The following WDR44 variants were observed in gnomAD, a reference collection of about 807,000 sequenced individuals.
The protein encoded by WDR44 is WD repeat-containing protein 44.
In WDR44, 9 loss-of-function variants were observed where a neutral mutation model predicts 65.7. The observed-to-expected ratio is 0.14, with a 90% CI of 0.08 to 0.24. The LOEUF is 0.24. Among genes scored for constraint, WDR44 ranks in the 10% least tolerant of loss-of-function variants. The pLI, the probability that WDR44 is intolerant of heterozygous loss-of-function variation, is 1.00. For missense variants in WDR44, 425 were observed against 670.9 expected (o/e 0.63, Z 4.05); for synonymous variants, 220 against 235.2 (o/e 0.94, Z 0.59).
intron 1 of WDR44, among the ~76,000 whole-genome samples, chrX:118,359,427 G>T (rs2056493194): frequency 8.9e-6 from 1 of 112,149 alleles, no homozygotes; most frequent in African/African-American, 3.2e-5. Flanking sequence ...GTAGGCCCAG[G>T]AAAGTGGTTT....
At chrX:118,400,057 C>T (rs1029597710) in intron 8 of WDR44, among the ~76,000 whole-genome samples, 6 of 109,701 alleles carry the variant, frequency 5.5e-5, no homozygotes, top group African/African-American at 1.0e-4. Context: ...CACTGCACTT[C>T]GGCCTGGGTG....
At chrX:118,407,398 GGCT>G (rs2056976462) in intron 10 of WDR44, among the ~76,000 whole-genome samples, 1 of 110,125 alleles carries the variant, frequency 9.1e-6, no homozygotes, top group South Asian at 3.9e-4. Context: ...CTACTTGGGA[GGCT>G]GAGGCAGGAG....
At chrX:118,390,110 T>TG (rs1241903290) in intron 3 of WDR44, among the ~76,000 whole-genome samples, 1 of 109,405 alleles carries the variant, frequency 9.1e-6, no homozygotes, top group Non-Finnish European at 1.9e-5. Context: ...TTAGTAGAGA[T>TG]GGGGTTTCAC....
chrX:118,411,734 A>T lies in WDR44; in HGVS notation c.1737+775A>T, dbSNP rs999932293. On this transcript the variant is annotated intron_variant, in intron 12 of 19. Coordinates refer to ENST00000254029, the MANE Select transcript of WDR44 (RefSeq NM_019045.5). ...TATTTATGCTCTTCTTCTAGTCCTG[A>T]ACTGGCTTTAGATCTGTAATTCTTT... 3.6e-5 allele frequency among the ~76,000 whole-genome samples: 4 copies of T among 112,014 alleles called. No homozygotes were observed. In the East Asian group the frequency reaches 8.3e-4, roughly 23 times the overall value.
chrX:118,426,344 A>G (rs369984022), intron 12 of WDR44, among the ~76,000 whole-genome samples: 5 of 111,688 alleles, frequency 4.5e-5, no homozygotes, highest in East Asian at 5.6e-4. Context: ...ATGGGGTTCA[A>G]TATATTATAT....
At chrX:118,427,011 G>A (rs1020233637) in intron 12 of WDR44, among the ~76,000 whole-genome samples, 3 of 111,762 alleles carry the variant, frequency 2.7e-5, no homozygotes, top group African/African-American at 9.7e-5. Flanking sequence ...ATTTAATGAT[G>A]TTAAAAATGG....
At chrX:118,381,745 G>A (rs183220923) in intron 2 of WDR44, among the ~76,000 whole-genome samples, 15 of 107,656 alleles carry the variant, frequency 1.4e-4, no homozygotes, top group African/African-American at 4.4e-4. Flanking sequence ...GCTAATTTTT[G>A]TATTTTTAGT....
At chrX:118,394,545 G>C (rs1476353261) in intron 5 of WDR44, among the ~76,000 whole-genome samples, 1 of 109,217 alleles carries the variant, frequency 9.2e-6, no homozygotes, top group Non-Finnish European at 1.9e-5. Context: ...TGTTTGTCCT[G>C]TATTGGTCAG....
chrX:118,362,730 T>C (rs923328569), intron 1 of WDR44, among the ~76,000 whole-genome samples: 2 of 109,887 alleles, frequency 1.8e-5, no homozygotes, highest in Non-Finnish European at 3.8e-5. Context: ...TTTGTCCCTT[T>C]ATCACACACT....
chrX:118,348,322 T>A (rs184813599), intron 1 of WDR44, among the ~76,000 whole-genome samples: 1 of 112,340 alleles, frequency 8.9e-6, no homozygotes, highest in East Asian at 2.8e-4. Context: ...CTATTTTACT[T>A]ATCTAAACCG....
intron 8 of WDR44, among the ~76,000 whole-genome samples, chrX:118,399,021 A>G (rs761889196): frequency 8.9e-6 from 1 of 112,272 alleles, no homozygotes; most frequent in South Asian, 3.7e-4. Flanking sequence ...GTGTTAGTAG[A>G]AGAACATGAT....
At chrX:118,423,590 C>G (rs570615611) in intron 12 of WDR44, among the ~76,000 whole-genome samples, 1 of 112,023 alleles carries the variant, frequency 8.9e-6, no homozygotes, top group South Asian at 3.7e-4. Flanking sequence ...CCATCACCAC[C>G]GTCTGTGCCA....
chrX:118,386,722 C>T (rs1375088159), intron 2 of WDR44, among the ~76,000 whole-genome samples: 1 of 111,652 alleles, frequency 9.0e-6, no homozygotes, highest in Non-Finnish European at 1.9e-5. Flanking sequence ...AAGTTCTTAT[C>T]GTCCATTACA....
chrX:118,424,463 C>T (rs915074465), intron 12 of WDR44, among the ~76,000 whole-genome samples: 24 of 106,387 alleles, frequency 2.3e-4, no homozygotes, highest in Admixed American at 2.2e-3. Context: ...TTCATGTACT[C>T]ATTGGCCATT....
At chrX:118,428,203 G>T (rs1009943696) in intron 12 of WDR44, among the ~76,000 whole-genome samples, 3 of 109,407 alleles carry the variant, frequency 2.7e-5, no homozygotes, top group African/African-American at 6.6e-5. Context: ...CATGAGAATC[G>T]CCTGAACCCA....
chrX:118,414,199 T>C (rs751961783), intron 12 of WDR44, among the ~76,000 whole-genome samples: 17 of 109,872 alleles, frequency 1.5e-4, no homozygotes, highest in African/African-American at 4.3e-4. Context: ...TTGTTTTTTC[T>C]AATTCTGTGA....
chrX:118,434,724 G>T (rs1249005217), intron 13 of WDR44, among the ~76,000 whole-genome samples: 1 of 111,464 alleles, frequency 9.0e-6, no homozygotes, highest in East Asian at 2.8e-4. Context: ...CAAAATTTCT[G>T]CAACAAGATT....
chrX:118,348,683 G>A lies in WDR44; in HGVS notation c.77+2103G>A, dbSNP rs150159872. 5.7e-3 allele frequency among the ~76,000 whole-genome samples: 635 copies of A among 111,849 alleles called. 3 individuals carry two copies. Among genetic ancestry groups the A allele is most frequent in the African/African-American group, 0.019 (599 of 30,787 alleles). On this transcript the variant is annotated intron_variant, in intron 1 of 19. Transcript: ENST00000254029. ...TCCTTTGTGGAAGGTTGTATCATTT[G>A]CATAAGACACCGTGAGGAGATCTGG... is the stretch of plus-strand genomic sequence containing the variant.
intron 1 of WDR44, among the ~76,000 whole-genome samples, chrX:118,356,363 G>T (rs2802621): frequency 1.8e-5 from 2 of 110,115 alleles, no homozygotes; most frequent in Non-Finnish European, 3.8e-5. Context: ...TTTCAGTGCC[G>T]TGTCAAAAAG....
Sources: gnomAD v4.1 joint callset for allele counts (sites outside exome capture counted in the v4.1 genomes callset) on GRCh38, gnomAD v4.1.1 for gene constraint, MANE v1.5 for transcripts, NCBI Gene and HGNC (gene_info 2026-07-23, HGNC 2026-07-21) for gene names.